The following MYO15A variants were observed in gnomAD, a reference collection of about 807,000 sequenced individuals.
The protein encoded by MYO15A is unconventional myosin-XV.
A neutral mutation model predicts 394.6 loss-of-function variants in MYO15A; 308 were observed. The observed-to-expected ratio is 0.78, with a 90% CI of 0.71 to 0.86. The LOEUF (loss-of-function observed/expected upper bound fraction) is 0.86. Ranked by LOEUF, MYO15A falls within the 40% of genes least tolerant of loss-of-function variation. The pLI, the probability that MYO15A is intolerant of heterozygous loss-of-function variation, is 0.00. For synonymous variants in MYO15A, 1,957 were observed against 2,003.8 expected (o/e 0.98, Z 0.62); for missense variants, 4,606 against 4,799.1 (o/e 0.96, Z 1.19).
intron 65 of MYO15A, among the ~76,000 whole-genome samples, chr17:18,176,173 T>C (rs1420006545): frequency 1.3e-5 from 2 of 152,222 alleles, no homozygotes; most frequent in Non-Finnish European, 2.9e-5. Flanking sequence ...CTGTTTTACG[T>C]TGCTATAAAG....
chr17:18,122,520 G>A, intron 2 of MYO15A, 111 bp downstream of exon 2: 5 of 1,447,980 alleles, frequency 3.5e-6, no homozygotes, highest in Non-Finnish European at 4.6e-6. Flanking sequence ...TGCTTGCTGG[G>A]GCCTCAGTCT....
intron 19 of MYO15A, among the ~76,000 whole-genome samples, chr17:18,140,086 C>A (rs532058220): frequency 6.6e-6 from 1 of 152,300 alleles, no homozygotes; most frequent in East Asian, 1.9e-4. Flanking sequence ...CTTGGGGAGG[C>A]CCTGCATCCC....
intron 51 of MYO15A, 31 bp downstream of exon 51, chr17:18,157,931 G>GGGCC: frequency 4.8e-6 from 2 of 412,720 alleles, no homozygotes; most frequent in Non-Finnish European, 9.0e-6. Context: ...GTGGGGCGGG[G>GGGCC]TAGACCAGGG....
rs876657906 is a variant in MYO15A, at chr17:18,119,731, G to T, written c.931G>T (p.Asp311Tyr). 23 of 1,612,318 alleles carry T rather than the reference G, an allele frequency of 1.4e-5. No homozygotes were observed. The highest frequency in any genetic ancestry group is 1.7e-5 in the Non-Finnish European group (20 of 1,179,972). The change falls in exon 2 of 66, where the codon GAT becomes TAT. Residue 311 changes from aspartate (D) to tyrosine (Y), a missense_variant. Asp to Tyr is a radical substitution (Grantham distance 160). Around this residue, in one of 2 missense-constraint regions of MYO15A, gnomAD observed 1,830 missense variants for 1,689.7 expected, o/e 1.08. Coordinates refer to ENST00000647165, the MANE Select transcript of MYO15A (RefSeq NM_016239.4). ...PGYTYGYGYD[D>Y]YEPPYAPPSG... ...GTACACCTACGGCTACGGCTACGAC[G>T]ATTACGAACCCCCATATGCGCCCCC... is the stretch of plus-strand genomic sequence containing the variant.
intron 65 of MYO15A, chr17:18,178,301 C>T (rs854801): frequency 0.35 from 90,136 of 260,916 alleles, 17,056 homozygotes; most frequent in Non-Finnish European, 0.41. Context: ...ACCTGGGAGG[C>T]GGAGGTTGCA....
chr17:18,122,053 C>A lies in MYO15A; in HGVS notation c.3253C>A (p.Pro1085Thr). 6.2e-7 allele frequency: 1 copy of A among 1,612,954 alleles called. No individual in the cohort carries two copies. The highest frequency in any genetic ancestry group is 1.1e-5 in the South Asian group (1 of 91,086). Residue 1085 changes from proline to threonine, a missense_variant, in exon 2 of 66, where the codon CCC becomes ACC. Transcript: ENST00000647165. ...ACCATGGCACCGCTGGGGAACACTG[C>A]CCCAAGCCGCAGCCCCCTTGGCGCC... ...WPPWHRWGTL[P>T]QAAAPLAPIR...
rs1283960772 is a variant in MYO15A, at chr17:18,121,714, C to T, written c.2914C>T (p.Pro972Ser). The T allele has an allele frequency of 1.2e-6, 2 of 1,600,402 alleles. No homozygotes were observed. Among genetic ancestry groups the T allele is most frequent in the Admixed American group, 3.4e-5 (2 of 59,126 alleles). ...CTTTCTCCAGCTCCTGGGCCCTGTG[C>T]CATCCCCCACCCTCCAGCCTGAGGA... ...NPFLQLLGPV[P>S]SPTLQPEDPA... Residue 972 changes from proline to serine, a missense_variant, in exon 2 of 66, where the codon CCA becomes TCA. This residue lies in a region of MYO15A where 1,830 missense variants were observed against 1,689.7 expected (regional missense o/e 1.08). Transcript: ENST00000647165. This position sits in a 1 kb window ranked among gnomAD's most constrained non-coding sequence, Gnocchi z 5.3.
chr17:18,130,727 G>A, intron 7 of MYO15A, 78 bp from the exon 8 acceptor site: 1 of 1,610,670 alleles, frequency 6.2e-7, no homozygotes, highest in African/African-American at 1.3e-5. Context: ...CTCCTGGAGA[G>A]AGTGGTGGTC....
rs1264563063 is a variant in MYO15A at position 18,155,386 on chromosome 17, G to C, written c.8413G>C (p.Gly2805Arg). ...CATCAAACTCCTGAGGATGGTCAAG[G>C]GTGGCCAGGAGGCCGGCGGGCAGCT... ...VGIKLLRMVKGGQEAGGQLRV... is the reference protein window; with the variant it reads ...VGIKLLRMVKRGQEAGGQLRV... The change falls in exon 47 of 66, where the codon GGT becomes CGT. Residue 2805 changes from glycine to arginine, a missense_variant. Around this residue, in one of 2 missense-constraint regions of MYO15A, gnomAD observed 2,776 missense variants for 3,109.3 expected, o/e 0.89. Coordinates refer to ENST00000647165, the MANE Select transcript of MYO15A (RefSeq NM_016239.4). 1 of 1,613,590 alleles carries C rather than the reference G, an allele frequency of 6.2e-7. No homozygotes were observed. The highest frequency in any genetic ancestry group is 1.3e-5 in the African/African-American group (1 of 74,946).
At chr17:18,129,741 C>T (rs1385266835) in intron 7 of MYO15A, among the ~76,000 whole-genome samples, 1 of 152,180 alleles carries the variant, frequency 6.6e-6, no homozygotes, top group African/African-American at 2.4e-5. Context: ...TAGTACCTAC[C>T]TCATGGGATT....
At chr17:18,149,950 CAAAAAAA>C (rs369728454) in intron 35 of MYO15A, 16 of 125,206 alleles carry the variant, frequency 1.3e-4, no homozygotes, top group African/African-American at 2.9e-4. Flanking sequence ...GACCCTGTCT[CAAAAAAA>C]AAAAAAAAAA....
chr17:18,110,369 CTG>C lies in MYO15A; in HGVS notation c.-220+1548_-220+1549del, dbSNP rs568798095. The C allele has an allele frequency of 1.6e-3, 238 of 152,366 alleles. 1 individual carries two copies. Among genetic ancestry groups the C allele is most frequent in the African/African-American group, 5.3e-3 (221 of 41,578 alleles). The allele number at this position is 152,366 out of a possible 1,614,324, so 9.4% of individuals were successfully genotyped here. On this transcript the variant is annotated intron_variant, in intron 1 of 65. Coordinates refer to ENST00000647165, the MANE Select transcript of MYO15A (RefSeq NM_016239.4). ...AAGCCATGTGAGGCAGTGGTTGAGA[CTG>C]TGGACACTCTGAAGCCAGACTGCCC...
intron 30 of MYO15A, 100 bp downstream of exon 30, chr17:18,146,207 A>G: frequency 7.9e-6 from 10 of 1,268,702 alleles, no homozygotes; most frequent in Non-Finnish European, 1.1e-5. Context: ...TCAGATCTCT[A>G]TGCTGGGAAG....
Position 18,151,098 on chromosome 17 carries a change from T to C in MYO15A, c.7474-12T>C. The C allele has an allele frequency of 1.2e-6, 2 of 1,613,800 alleles. No individual in the cohort carries two copies. Among genetic ancestry groups the C allele is most frequent in the Non-Finnish European group, 1.7e-6 (2 of 1,180,014 alleles). On this transcript the variant is annotated splice_polypyrimidine_tract_variant and intron_variant, in intron 38 of 65. Coordinates refer to ENST00000647165, the MANE Select transcript of MYO15A (RefSeq NM_016239.4). ...TCCCAGGCAGCCCACCCTCACGTCC[T>C]GTTCTCCACAGAAACCCCCAGCACC...
chr17:18,122,559 T>A, intron 2 of MYO15A, 150 bp downstream of exon 2: 1 of 1,226,476 alleles, frequency 8.2e-7, no homozygotes. Flanking sequence ...GAGAACAGCC[T>A]GGACCTCCCA....
Position 18,150,040 on chromosome 17 carries a change from G to A in MYO15A, c.7213-389G>A. The A allele has an allele frequency of 3.0e-6, 1 of 334,940 alleles. No homozygotes were observed. The highest frequency in any genetic ancestry group is 5.6e-6 in the Non-Finnish European group (1 of 177,874). The allele number at this position is 334,940 out of a possible 1,614,324, so 20.7% of individuals were successfully genotyped here. A position where few individuals can be genotyped will look rare whatever the true frequency, so the allele number is the denominator to read the frequency against. On this transcript the variant is annotated intron_variant, in intron 35 of 65. Coordinates refer to ENST00000647165, the MANE Select transcript of MYO15A (RefSeq NM_016239.4). This position sits in a 1 kb window ranked among gnomAD's most constrained non-coding sequence, Gnocchi z 4.4. ...GCCACTAAAATATCTCTATCTGGAT[G>A]GAGTTGAATGACCTTGGTCCCCGGG...
intron 2 of MYO15A, chr17:18,123,666 A>G (rs2975002): frequency 0.88 from 133,710 of 152,772 alleles, 58,754 homozygotes; most frequent in South Asian, 0.96. Flanking sequence ...TGTGTACCAC[A>G]GCCAAATGAC....
chr17:18,166,363 CA>C lies in MYO15A; in HGVS notation c.9791del (p.Gln3264ArgfsTer47). The C allele has an allele frequency of 6.2e-7, 1 of 1,612,848 alleles. No homozygotes were observed. The highest frequency in any genetic ancestry group is 2.2e-5 in the East Asian group (1 of 44,888). ...YVIFVVTNRG[Q>X]HVCPLSRRAY... ...CCCTGCCTCCCTGCTCTCTGCAGGC[CA>C]GCATGTGTGCCCACTCAGTCGCCGT... On this transcript the variant is annotated frameshift_variant, in exon 61 of 66. Coordinates refer to ENST00000647165, the MANE Select transcript of MYO15A (RefSeq NM_016239.4). LOFTEE classifies it high-confidence loss of function.
intron 16 of MYO15A, 139 bp downstream of exon 16, chr17:18,137,818 G>T: frequency 1.9e-6 from 2 of 1,076,502 alleles, no homozygotes; most frequent in South Asian, 2.7e-5. Context: ...TCTAAGCTGG[G>T]GACCAGCCCA....
Sources: allele counts gnomAD v4.1 joint callset (sites outside exome capture counted in the v4.1 genomes callset), GRCh38; gene constraint gnomAD v4.1.1; regional missense constraint gnomAD v4.1.1; non-coding constraint Gnocchi (gnomAD v3.1); transcripts MANE v1.5; gene names NCBI Gene and HGNC (gene_info 2026-07-23, HGNC 2026-07-21).